The following ACSBG2 variants were observed in gnomAD, a reference collection of about 807,000 sequenced individuals.
ACSBG2 encodes long-chain-fatty-acid--CoA ligase ACSBG2.
Under a neutral mutation model 74.7 loss-of-function variants are expected in ACSBG2, and 62 were observed. The observed-to-expected ratio is 0.83, with a 90% CI of 0.68 to 1.03. The LOEUF (loss-of-function observed/expected upper bound fraction) is 1.03. Ranked by LOEUF, ACSBG2 falls within the 50% of genes least tolerant of loss-of-function variation. The pLI is 0.00. For missense variants in ACSBG2, 730 were observed against 817.6 expected, an observed-to-expected ratio of 0.89 and a Z score of 1.31; for synonymous variants, 309 against 294.1, an observed-to-expected ratio of 1.05 and a Z score of -0.52.
chr19:6,187,179 A>G, intron 11 of ACSBG2, 104 bp from the exon 12 acceptor site: 1 of 1,483,710 alleles, frequency 6.7e-7, no homozygotes, highest in South Asian at 1.3e-5. Flanking sequence ...TAATTTTTGT[A>G]TATTTAGTAG....
At chr19:6,177,739 C>CT (rs34354988) in intron 8 of ACSBG2, among the ~76,000 whole-genome samples, 6 of 150,522 alleles carry the variant, frequency 4.0e-5, no homozygotes, top group Middle Eastern at 3.4e-3. Flanking sequence ...AATAAAACAA[C>CT]TTTTTTTTTT....
intron 7 of ACSBG2, among the ~76,000 whole-genome samples, chr19:6,175,684 G>C (rs1041240646): frequency 6.6e-6 from 1 of 152,166 alleles, no homozygotes; most frequent in African/African-American, 2.4e-5. Context: ...GATTAATGAA[G>C]TAACTATTCA....
rs781503501 is a variant in ACSBG2 at position 6,183,201 on chromosome 19, C to A, written c.1251C>A (p.Gly417=). ...EFFLSLDIPI[G]ELYGLSESSG... ...TTCTAAGCTTGGACATACCTATAGGCGAGTTGTATGGGTTGAGTGAGAGCT... is the reference window on the plus strand; with the variant it reads ...TTCTAAGCTTGGACATACCTATAGGAGAGTTGTATGGGTTGAGTGAGAGCT... The change falls in exon 10 of 15, where the codon GGC becomes GGA. Residue 417 remains glycine (G), a synonymous_variant. Transcript: ENST00000588485. 3.1e-6 allele frequency: 5 copies of A among 1,614,134 alleles called. No individual in the cohort carries two copies. The Admixed American group carries it at 6.7e-5, about 22-fold the overall frequency.
intron 6 of ACSBG2, among the ~76,000 whole-genome samples, chr19:6,161,996 C>A (rs959905313): frequency 1.3e-5 from 2 of 151,926 alleles, no homozygotes; most frequent in African/African-American, 4.8e-5. Context: ...TTTATTTATA[C>A]CCAAGCCAAA....
intron 1 of ACSBG2, among the ~76,000 whole-genome samples, chr19:6,140,932 C>T (rs187997362): frequency 3.9e-5 from 6 of 152,202 alleles, no homozygotes; most frequent in African/African-American, 1.4e-4. Context: ...CTATTCATGT[C>T]CTTTGCCCGC....
At chr19:6,185,817 A>G (rs776588467) in intron 11 of ACSBG2, among the ~76,000 whole-genome samples, 164 bp downstream of exon 11, 2 of 152,286 alleles carry the variant, frequency 1.3e-5, no homozygotes, top group South Asian at 4.1e-4. Flanking sequence ...CCTCCTGTCC[A>G]GCAAACAGTT....
intron 8 of ACSBG2, among the ~76,000 whole-genome samples, chr19:6,179,643 G>A (rs1019500858): frequency 2.6e-5 from 4 of 151,980 alleles, no homozygotes; most frequent in African/African-American, 4.8e-5. Context: ...ATGGAGTCTC[G>A]TTCTGTCACC....
intron 7 of ACSBG2, among the ~76,000 whole-genome samples, chr19:6,168,017 G>C (rs2089861120): frequency 7.4e-6 from 1 of 135,614 alleles, no homozygotes. Context: ...CCACCAGAGA[G>C]TGCCTGTGAG....
At chr19:6,182,479 T>C (rs1203558719) in intron 8 of ACSBG2, among the ~76,000 whole-genome samples, 3 of 152,228 alleles carry the variant, frequency 2.0e-5, no homozygotes, top group African/African-American at 7.2e-5. Flanking sequence ...AGAAGTGAAG[T>C]TGACAGGTTG....
intron 6 of ACSBG2, 33 bp downstream of exon 6, chr19:6,161,328 G>C: frequency 6.3e-7 from 1 of 1,594,358 alleles, no homozygotes; most frequent in Non-Finnish European, 8.6e-7. Flanking sequence ...GGGGAAAGGG[G>C]AGGGCGGGGC....
chr19:6,171,416 GACA>G (rs2089962111), intron 7 of ACSBG2, among the ~76,000 whole-genome samples: 2 of 151,930 alleles, frequency 1.3e-5, no homozygotes, highest in African/African-American at 4.8e-5. Context: ...ATCTAGTGAT[GACA>G]AATTCCTTTA....
In ACSBG2 at chr19:6,165,910, A is replaced by G. The variant is rs2089781178; in HGVS notation, c.633A>G (p.Gln211=). Residue 211 remains glutamine, a synonymous_variant, in exon 7 of 15, where the codon CAA becomes CAG. Transcript: ENST00000588485. The part of the protein sequence containing the change: ...MELGRSIPDT[Q]LEQVIESQKA... Reference sequence around the variant, plus strand: ...TTGGCAGAAGTATCCCTGACACCCAACTGGAGCAGGTCATCGAGAGCCAGA... The same window carrying G: ...TTGGCAGAAGTATCCCTGACACCCAGCTGGAGCAGGTCATCGAGAGCCAGA... 1.2e-5 allele frequency: 19 copies of G among 1,614,150 alleles called. No homozygotes were observed. The highest frequency in any genetic ancestry group is 2.2e-5 in the East Asian group (1 of 44,884).
At chr19:6,156,592 G>T in intron 5 of ACSBG2, 41 bp downstream of exon 5, 1 of 1,494,546 alleles carries the variant, frequency 6.7e-7, no homozygotes, top group Non-Finnish European at 8.9e-7. Context: ...GTCACCCAGG[G>T]GTACCTCAGG....
chr19:6,184,390 T>A (rs1397930979), intron 10 of ACSBG2, among the ~76,000 whole-genome samples: 4 of 152,154 alleles, frequency 2.6e-5, no homozygotes, highest in Admixed American at 6.5e-5. Context: ...TTTTTCTATA[T>A]ACCTAAAAAG....
In ACSBG2 at chr19:6,153,675, A is replaced by T. The variant is rs116940353; in HGVS notation, c.386+1880A>T. ...ACATCGCAAGATTCTGTCTCTAAAA[A>T]ATAAAATAAAAGTGTTTTTAAAATT... On this transcript the variant is annotated intron_variant, in intron 4 of 14. Coordinates refer to ENST00000588485, the MANE Select transcript of ACSBG2 (RefSeq NM_030924.5). 1.4e-3 allele frequency among the ~76,000 whole-genome samples: 211 copies of T among 152,096 alleles called. 1 individual carries two copies. Among genetic ancestry groups the T allele is most frequent in the South Asian group, 4.4e-3 (21 of 4,814 alleles).
chr19:6,144,753 G>C (rs1401556270), intron 2 of ACSBG2, among the ~76,000 whole-genome samples: 3 of 151,310 alleles, frequency 2.0e-5, no homozygotes, highest in Admixed American at 6.6e-5. Flanking sequence ...GGAGTGCAGT[G>C]GCACAATCTT....
At chr19:6,143,373 G>C (rs1437386473) in intron 2 of ACSBG2, among the ~76,000 whole-genome samples, 1 of 141,244 alleles carries the variant, frequency 7.1e-6, no homozygotes, top group Non-Finnish European at 1.5e-5. Flanking sequence ...AACAGAGTGA[G>C]ACTCTGTCTC....
At chr19:6,192,093 A>AAAAAAAAAAAAAAAAAAAAAAG (rs2090581500) in intron 14 of ACSBG2, 1 of 151,734 alleles carries the variant, frequency 6.6e-6, no homozygotes, top group African/African-American at 2.4e-5. Context: ...AAAAAAAAAA[A>AAAAAAAAAAAAAAAAAAAAAAG]AAATAGAATA....
At chr19:6,139,961 C>T (rs1052537031) in intron 1 of ACSBG2, among the ~76,000 whole-genome samples, 3 of 152,078 alleles carry the variant, frequency 2.0e-5, no homozygotes, top group African/African-American at 4.8e-5. Flanking sequence ...CGGTGGCTCA[C>T]GCCTGTCATC....
Sources: allele counts gnomAD v4.1 joint callset (sites outside exome capture counted in the v4.1 genomes callset), GRCh38; gene constraint gnomAD v4.1.1; transcripts MANE v1.5; gene names NCBI Gene and HGNC (gene_info 2026-07-23, HGNC 2026-07-21).